The following COL5A1 variants were observed in gnomAD, a reference collection of about 807,000 sequenced individuals.
The protein encoded by COL5A1 is collagen type V alpha 1 chain.
A neutral mutation model predicts 263.7 loss-of-function variants in COL5A1; 16 were observed. The observed-to-expected ratio is 0.06, with a 90% CI of 0.04 to 0.09. The LOEUF is 0.09. COL5A1 is among the 10% of genes least tolerant of loss of function. The pLI, the probability that COL5A1 is intolerant of heterozygous loss-of-function variation, is 1.00. For synonymous variants in COL5A1, 1,012 were observed against 1,004.5 expected (o/e 1.01, Z -0.14); for missense variants, 2,036 against 2,540.5 (o/e 0.80, Z 4.27).
chr9:134,750,742 G>A (rs1835746471), intron 12 of COL5A1, 48 bp from the exon 13 acceptor site: 1 of 1,606,736 alleles, frequency 6.2e-7, no homozygotes, highest in Non-Finnish European at 8.5e-7. Flanking sequence ...GGTCTTGCCT[G>A]GGTGCCACGT....
Position 134,642,304 on chromosome 9 carries a change from C to A in COL5A1, c.109+8C>A. Reference sequence around the variant, plus strand: ...CGCCTCCGAGCCGCGCAGGTAAGGGCGCCCCGGGGCGCGGGGCTGCGGGAT... The same window carrying A: ...CGCCTCCGAGCCGCGCAGGTAAGGGAGCCCCGGGGCGCGGGGCTGCGGGAT... On this transcript the variant is annotated splice_region_variant and intron_variant, in intron 1 of 65. Coordinates refer to ENST00000371817, the MANE Select transcript of COL5A1 (RefSeq NM_000093.5). The surrounding 1 kb of genome is among the most constrained non-coding windows in gnomAD (Gnocchi z 4.5). 3 of 923,852 alleles carry A rather than the reference C, an allele frequency of 3.2e-6. No individual in the cohort carries two copies. The highest frequency in any genetic ancestry group is 2.7e-6 in the Non-Finnish European group (2 of 728,300). The allele number at this position is 923,852 out of a possible 1,614,324, so 57.2% of individuals were successfully genotyped here.
At chr9:134,774,964 T>A (rs767747793) in intron 27 of COL5A1, 52 bp downstream of exon 27, 1 of 1,554,350 alleles carries the variant, frequency 6.4e-7, no homozygotes, top group Non-Finnish European at 8.8e-7. Flanking sequence ...GGGTTGGGAC[T>A]GTGGGCCTTG....
At chr9:134,776,505 C>CG (rs1273139865) in intron 27 of COL5A1, among the ~76,000 whole-genome samples, 1 of 152,178 alleles carries the variant, frequency 6.6e-6, no homozygotes, top group Non-Finnish European at 1.5e-5. Flanking sequence ...TTATTTTCAT[C>CG]GGGGAAAAAG....
At chr9:134,820,090 C>G (rs766685328) in intron 57 of COL5A1, 26 bp from the exon 58 acceptor site, 1 of 1,582,548 alleles carries the variant, frequency 6.3e-7, no homozygotes, top group Admixed American at 1.7e-5. Flanking sequence ...CCTCAAATGC[C>G]CCTTCCTGTC....
intron 30 of COL5A1, 131 bp from the exon 31 acceptor site, chr9:134,785,864 G>A (rs957768118): frequency 6.1e-5 from 49 of 803,374 alleles, no homozygotes; most frequent in African/African-American, 2.0e-4. Context: ...GCATAATGAC[G>A]TGTGCCCCCG....
intron 27 of COL5A1, among the ~76,000 whole-genome samples, chr9:134,779,166 C>G (rs1837164249): frequency 6.6e-6 from 1 of 152,004 alleles, no homozygotes; most frequent in Admixed American, 6.6e-5. Context: ...AGTGTGGCTT[C>G]TCTCTCTCTC....
chr9:134,813,111 C>A (rs1171551185), intron 48 of COL5A1, among the ~76,000 whole-genome samples: 1 of 151,856 alleles, frequency 6.6e-6, no homozygotes, highest in South Asian at 2.1e-4. Context: ...CCATTTCAGC[C>A]GAATTATTTT....
chr9:134,738,974 G>A (rs1350560619), intron 11 of COL5A1, among the ~76,000 whole-genome samples, 166 bp downstream of exon 11: 1 of 152,222 alleles, frequency 6.6e-6, no homozygotes, highest in Non-Finnish European at 1.5e-5. Flanking sequence ...CCGTTCAGAT[G>A]TTTCTGGGGC....
At chr9:134,811,643 C>A in intron 46 of COL5A1, 44 bp downstream of exon 46, 1 of 1,437,584 alleles carries the variant, frequency 7.0e-7, no homozygotes, top group Non-Finnish European at 9.6e-7. Context: ...CCGCTTCTGA[C>A]GCCCCCTGTG....
chr9:134,767,407 C>T, intron 24 of COL5A1, 53 bp downstream of exon 24: 3 of 1,556,236 alleles, frequency 1.9e-6, no homozygotes, highest in Non-Finnish European at 2.7e-6. Context: ...AGGTGGATTC[C>T]CTGGCCCCAC....
At chr9:134,792,346 G>A (rs1837720251) in intron 32 of COL5A1, among the ~76,000 whole-genome samples, 1 of 152,178 alleles carries the variant, frequency 6.6e-6, no homozygotes, top group African/African-American at 2.4e-5. Flanking sequence ...CCAGTGGGAT[G>A]TCTGTGCTCA....
rs900785830 is a variant in COL5A1 at position 134,742,567 on chromosome 9, G to C, written c.1494+3759G>C. ...GATCTCCTGTGGCAGAAGGAAGGTG[G>C]CCACTCTTACTTTGAGGTTCAGAGG... On this transcript the variant is annotated intron_variant, in intron 11 of 65. Transcript: ENST00000371817. This position sits in a 1 kb window ranked among gnomAD's most constrained non-coding sequence, Gnocchi z 4.6. Among the ~76,000 whole-genome samples the C allele has an allele frequency of 1.4e-4, 21 of 152,190 alleles. No homozygotes were observed. The highest frequency in any genetic ancestry group is 5.1e-4 in the African/African-American group (21 of 41,452).
chr9:134,774,808 G>A (rs1836993977), intron 26 of COL5A1, 51 bp from the exon 27 acceptor site: 1 of 1,577,082 alleles, frequency 6.3e-7, no homozygotes, highest in African/African-American at 1.3e-5. Context: ...ATGTTCCCCA[G>A]GCACCTCCAC....
At chr9:134,805,290 C>T (rs530817085) in intron 41 of COL5A1, 76 bp downstream of exon 41, 56 of 1,536,340 alleles carry the variant, frequency 3.6e-5, no homozygotes, top group Non-Finnish European at 4.9e-5. Flanking sequence ...CCCGAGAGCC[C>T]AGAGCATGCA....
intron 11 of COL5A1, among the ~76,000 whole-genome samples, chr9:134,748,758 C>T (rs531867335): frequency 6.6e-6 from 1 of 152,280 alleles, no homozygotes; most frequent in African/African-American, 2.4e-5. Flanking sequence ...AATATGTTAG[C>T]ACGTCTGTCG....
At chr9:134,651,853 C>G (rs1031491759) in intron 1 of COL5A1, among the ~76,000 whole-genome samples, 1 of 152,216 alleles carries the variant, frequency 6.6e-6, no homozygotes, top group Non-Finnish European at 1.5e-5. Flanking sequence ...GGTTGTCTTC[C>G]CTTGATTTTT....
chr9:134,777,851 G>A (rs1168917857), intron 27 of COL5A1, among the ~76,000 whole-genome samples: 3 of 152,236 alleles, frequency 2.0e-5, no homozygotes, highest in African/African-American at 7.2e-5. Context: ...CTCAGGGCAG[G>A]GAGGGGCAGC....
At chr9:134,833,108 A>C (rs1839710434) in intron 64 of COL5A1, among the ~76,000 whole-genome samples, 1 of 152,170 alleles carries the variant, frequency 6.6e-6, no homozygotes, top group Admixed American at 6.5e-5. Flanking sequence ...TGATGCTGCA[A>C]ACAGGACAGG....
Position 134,768,421 on chromosome 9 carries a change from G to A in COL5A1, c.2244G>A (p.Gly748=). ...IGPPGEKGPL[G]KPGLPGMPGA... is the part of the protein sequence containing the mutation. ...CTGGTTTGTTCTAGGGTCCCTTGGG[G>A]AAACCAGGCCTTCCAGGAATGCCCG... The change falls in exon 25 of 66, where the codon GGG becomes GGA. Residue 748 remains glycine (G), a synonymous_variant. Coordinates refer to ENST00000371817, the MANE Select transcript of COL5A1 (RefSeq NM_000093.5). 1 of 1,614,098 alleles carries A rather than the reference G, an allele frequency of 6.2e-7. No individual in the cohort carries two copies. The highest frequency in any genetic ancestry group is 1.1e-5 in the South Asian group (1 of 91,090).
Sources: allele counts gnomAD v4.1 joint callset (sites outside exome capture counted in the v4.1 genomes callset), GRCh38; gene constraint gnomAD v4.1.1; non-coding constraint Gnocchi (gnomAD v3.1); transcripts MANE v1.5; gene names NCBI Gene and HGNC (gene_info 2026-07-23, HGNC 2026-07-21).